Variants in PRKCQ observed in about 807,000 individuals in gnomAD.
PRKCQ encodes protein kinase C theta type.
Under a neutral mutation model 91.2 loss-of-function variants are expected in PRKCQ, and 41 were observed. The ratio of observed to expected loss-of-function variants is 0.45; its 90% CI spans 0.35 to 0.58. The LOEUF is 0.58. Among genes scored for constraint, PRKCQ ranks in the 20% least tolerant of loss-of-function variants. PRKCQ has a pLI of 0.00. For synonymous variants in PRKCQ, 307 were observed against 316.9 expected (o/e 0.97, Z 0.33); for missense variants, 673 against 896.5 (o/e 0.75, Z 3.18).
At position 6,479,106 on chromosome 10, in the gene PRKCQ, T is replaced by C; in HGVS notation, c.1239A>G (p.Lys413=). ...NQFFAIKALK[K]DVVLMDDDVE... is the part of the protein sequence containing the mutation. ...CATCATCGTCCATCAAGACCACATC[T>C]TTCTTTAAGGCCTTTATTGCGAAAA... Residue 413 remains lysine (K), a synonymous_variant, in exon 12 of 18, where the codon AAA becomes AAG. Transcript: ENST00000263125. 1 of 1,614,228 alleles carries C rather than the reference T, an allele frequency of 6.2e-7. No individual in the cohort carries two copies. The highest frequency in any genetic ancestry group is 2.2e-5 in the East Asian group (1 of 44,894).
intron 15 of PRKCQ, among the ~76,000 whole-genome samples, chr10:6,455,828 T>C (rs2132306724): frequency 6.6e-6 from 1 of 152,344 alleles, no homozygotes; most frequent in East Asian, 1.9e-4. Flanking sequence ...GAGATATTTC[T>C]GGACTATGTT....
At chr10:6,472,035 G>T (rs148421336) in intron 12 of PRKCQ, among the ~76,000 whole-genome samples, 1 of 152,236 alleles carries the variant, frequency 6.6e-6, no homozygotes, top group East Asian at 1.9e-4. Flanking sequence ...GGGGCCGGGC[G>T]CGGTGGCTCA....
chr10:6,523,975 A>G (rs1055014286), intron 1 of PRKCQ, among the ~76,000 whole-genome samples: 1 of 152,192 alleles, frequency 6.6e-6, no homozygotes, highest in Non-Finnish European at 1.5e-5. Flanking sequence ...TCCTTCACAC[A>G]GCACGACTCT....
At chr10:6,504,488 G>A (rs115883402) in intron 4 of PRKCQ, among the ~76,000 whole-genome samples, 43 of 152,240 alleles carry the variant, frequency 2.8e-4, no homozygotes, top group African/African-American at 1.0e-3. Flanking sequence ...CTCCTTGTAA[G>A]GCCATCCCTC....
intron 14 of PRKCQ, among the ~76,000 whole-genome samples, chr10:6,460,620 T>C (rs1835269276): frequency 6.6e-6 from 1 of 152,172 alleles, no homozygotes; most frequent in Non-Finnish European, 1.5e-5. Flanking sequence ...GCTTCTAAAG[T>C]AGCTGGGATT....
At chr10:6,424,543 TTG>T (rs1398787226), downstream of PRKCQ, among the ~76,000 whole-genome samples, 3 of 152,150 alleles carry the variant, frequency 2.0e-5, no homozygotes, top group Admixed American at 2.0e-4. Context: ...GTTTGCATTG[TTG>T]TGAGTGGGTT....
chr10:6,421,447 T>A, the PRKCQ span, among the ~76,000 whole-genome samples: 2 of 152,200 alleles, frequency 1.3e-5, no homozygotes, highest in Non-Finnish European at 2.9e-5. The surrounding 1 kb of genome is among the most constrained non-coding windows in gnomAD (Gnocchi z 4.1). Context: ...TTTGTGCCAA[T>A]ACACTCCATC....
At chr10:6,492,371 T>C (rs1288471343) in intron 7 of PRKCQ, among the ~76,000 whole-genome samples, 1 of 152,196 alleles carries the variant, frequency 6.6e-6, no homozygotes, top group African/African-American at 2.4e-5. Context: ...GAGCAGTTCC[T>C]GCCAGGTGCG....
intron 16 of PRKCQ, among the ~76,000 whole-genome samples, chr10:6,439,475 A>AT (rs146295141): frequency 0.019 from 2,923 of 151,968 alleles, 46 homozygotes; most frequent in African/African-American, 0.032. Context: ...TAATATGTAG[A>AT]TTTTTTCAAT....
At chr10:6,489,368 C>G (rs553892481) in intron 8 of PRKCQ, 22 of 512,858 alleles carry the variant, frequency 4.3e-5, no homozygotes, top group African/African-American at 4.1e-4. Flanking sequence ...ACCATCTCCA[C>G]GAGAAGGTCC....
intron 7 of PRKCQ, 151 bp downstream of exon 7, chr10:6,496,884 T>C (rs934572443): frequency 4.7e-5 from 35 of 743,252 alleles, no homozygotes; most frequent in Admixed American, 3.7e-4. Flanking sequence ...GTAAGAATCA[T>C]TATTGAAGAG....
intron 15 of PRKCQ, among the ~76,000 whole-genome samples, chr10:6,452,722 G>T (rs1210983582): frequency 6.6e-6 from 1 of 150,546 alleles, no homozygotes; most frequent in African/African-American, 2.5e-5. Context: ...TACCAAAACA[G>T]AGATATAGAT....
the PRKCQ span, among the ~76,000 whole-genome samples, chr10:6,401,958 G>C: frequency 6.6e-6 from 1 of 152,162 alleles, no homozygotes; most frequent in Non-Finnish European, 1.5e-5. Context: ...GCCCAGCAGG[G>C]ACGGAAACTG....
rs1013899534 is a variant in PRKCQ, at chr10:6,483,435, C to G, written c.1179+5G>C. ...GCCATAGCATTCTCCCGTGCATTAG[C>G]TTACCTTGCCAAAACTTCCTTTCCC... On this transcript the variant is annotated splice_donor_5th_base_variant and intron_variant, in intron 11 of 17. Coordinates refer to ENST00000263125, the MANE Select transcript of PRKCQ (RefSeq NM_006257.5). 3.1e-6 allele frequency: 5 copies of G among 1,614,180 alleles called. No homozygotes were observed. The highest frequency in any genetic ancestry group is 3.3e-5 in the Admixed American group (2 of 60,026).
At chr10:6,515,239 A>G (rs1838701356) in intron 1 of PRKCQ, 95 bp from the exon 2 acceptor site, 2 of 1,580,588 alleles carry the variant, frequency 1.3e-6, no homozygotes, top group Non-Finnish European at 1.7e-6. Flanking sequence ...TATCATGGAC[A>G]GCCAGAACCT....
chr10:6,407,735 C>T, the PRKCQ span, among the ~76,000 whole-genome samples: 1 of 152,034 alleles, frequency 6.6e-6, no homozygotes, highest in African/African-American at 2.4e-5. The surrounding 1 kb of genome is among the most constrained non-coding windows in gnomAD (Gnocchi z 4.0). Flanking sequence ...ACAGACAGAA[C>T]AGTGTAATGA....
chr10:6,553,599 T>A (rs904136872), intron 1 of PRKCQ, among the ~76,000 whole-genome samples: 1 of 152,136 alleles, frequency 6.6e-6, no homozygotes, highest in South Asian at 2.1e-4. Flanking sequence ...TTCCTTTTTT[T>A]CCTTCTTCTT....
At chr10:6,468,468 A>G (rs1564325476) in intron 12 of PRKCQ, among the ~76,000 whole-genome samples, 1 of 152,258 alleles carries the variant, frequency 6.6e-6, no homozygotes, top group Non-Finnish European at 1.5e-5. Flanking sequence ...TGACAGGTTT[A>G]TAGCATTAAA....
chr10:6,517,530 T>A (rs1181699670), intron 1 of PRKCQ, among the ~76,000 whole-genome samples: 1 of 149,742 alleles, frequency 6.7e-6, no homozygotes, highest in African/African-American at 2.4e-5. Context: ...TGTAGCTACA[T>A]ATTTAGTCTG....
Sources: gnomAD v4.1 joint callset for allele counts (sites outside exome capture counted in the v4.1 genomes callset) on GRCh38, gnomAD v4.1.1 for gene constraint, Gnocchi (gnomAD v3.1) non-coding constraint, MANE v1.5 for transcripts, NCBI Gene and HGNC (gene_info 2026-07-23, HGNC 2026-07-21) for gene names.